The following KIAA1671 variants were observed in gnomAD, a reference collection of about 807,000 sequenced individuals.
KIAA1671 encodes KIAA1671, also known as uncharacterized protein KIAA1671.
Under a neutral mutation model 131.2 loss-of-function variants are expected in KIAA1671, and 52 were observed. The ratio of observed to expected loss-of-function variants is 0.40; its 90% CI spans 0.32 to 0.50. The LOEUF is 0.50. KIAA1671 is among the 20% of genes least tolerant of loss of function. The pLI, the probability that KIAA1671 is intolerant of heterozygous loss-of-function variation, is 0.73. For synonymous variants in KIAA1671, 1,003 were observed against 961.6 expected (o/e 1.04, Z -0.80); for missense variants, 2,360 against 2,364.2 (o/e 1.00, Z 0.04).
At chr22:25,176,332 G>A (rs1934025978) in intron 8 of KIAA1671, 1 of 152,216 alleles carries the variant, frequency 6.6e-6, no homozygotes, top group Non-Finnish European at 1.5e-5. Context: ...AAATTAGCCT[G>A]TCATCACTGA....
At chr22:24,961,675 G>A (rs1168702791) in intron 1 of KIAA1671, among the ~76,000 whole-genome samples, 5 of 152,220 alleles carry the variant, frequency 3.3e-5, no homozygotes, top group Admixed American at 3.3e-4. Context: ...TGTCACTTCT[G>A]CTCTCATGCT....
chr22:25,077,983 C>T (rs1457368056), intron 6 of KIAA1671, among the ~76,000 whole-genome samples: 4 of 152,054 alleles, frequency 2.6e-5, no homozygotes, highest in Non-Finnish European at 5.9e-5. Flanking sequence ...TTAATCCTCA[C>T]AAATAGCCCT....
At chr22:25,190,881 A>C in intron 12 of KIAA1671, 97 bp downstream of exon 12, 1 of 794,622 alleles carries the variant, frequency 1.3e-6, no homozygotes, top group Non-Finnish European at 2.1e-6. Context: ...GGGCTGTTGT[A>C]CCCAAGGAAA....
chr22:25,153,110 TATAGTATATCA>T (rs1200207735), intron 6 of KIAA1671, among the ~76,000 whole-genome samples: 2 of 152,234 alleles, frequency 1.3e-5, no homozygotes, highest in Non-Finnish European at 2.9e-5. Context: ...TACCACATAG[TATAGTATATCA>T]ATAGTATATC....
At chr22:25,189,113 G>T (rs1052988812) in intron 11 of KIAA1671, among the ~76,000 whole-genome samples, 2 of 151,374 alleles carry the variant, frequency 1.3e-5, no homozygotes, top group South Asian at 2.1e-4. Flanking sequence ...CTTCCTGGGA[G>T]GCCAGTCTTT....
chr22:24,998,379 C>G (rs1298050924), intron 1 of KIAA1671, among the ~76,000 whole-genome samples: 4 of 152,020 alleles, frequency 2.6e-5, no homozygotes, highest in Admixed American at 6.6e-5. Context: ...CACCACTGCA[C>G]TCCAGCCTGG....
chr22:25,180,890 A>G (rs1294495931), intron 9 of KIAA1671, among the ~76,000 whole-genome samples: 3 of 152,178 alleles, frequency 2.0e-5, no homozygotes, highest in Non-Finnish European at 4.4e-5. Flanking sequence ...TGAAGACCAT[A>G]ATAGGGACAA....
At chr22:25,044,646 AT>A (rs1166477570) in intron 5 of KIAA1671, among the ~76,000 whole-genome samples, 1 of 148,042 alleles carries the variant, frequency 6.8e-6, no homozygotes, top group Non-Finnish European at 1.5e-5. Context: ...AAAAAAAAAA[AT>A]AAAAACACAC....
chr22:25,142,246 CTTAA>C (rs1311917187), intron 6 of KIAA1671, among the ~76,000 whole-genome samples: 1 of 152,188 alleles, frequency 6.6e-6, no homozygotes, highest in African/African-American at 2.4e-5. Flanking sequence ...GGTTGATACT[CTTAA>C]TTCGTGGGAA....
intron 6 of KIAA1671, among the ~76,000 whole-genome samples, chr22:25,164,978 C>CGTGTGTGTGTGTGTGT (rs59765745): frequency 1.6e-4 from 19 of 116,608 alleles, no homozygotes; most frequent in East Asian, 5.2e-4. Flanking sequence ...GAGTTGCAGG[C>CGTGTGTGTGTGTGTGT]GTGTGTGTGT....
At chr22:25,061,946 T>TTTCTCTTCCTCCCTC (rs1326910067) in intron 6 of KIAA1671, 29 of 152,084 alleles carry the variant, frequency 1.9e-4, no homozygotes, top group Admixed American at 1.5e-3. Context: ...CCTCCTCCCT[T>TTTCTCTTCCTCCCTC]TTCTCTTCCT....
chr22:25,179,204 G>A, intron 9 of KIAA1671: 1 of 1,134,218 alleles, frequency 8.8e-7, no homozygotes, highest in Middle Eastern at 2.8e-4. Context: ...TGGGGGCGGG[G>A]GTGGGGGAGG....
At chr22:25,096,521 T>G (rs1335440472) in intron 6 of KIAA1671, among the ~76,000 whole-genome samples, 1 of 152,170 alleles carries the variant, frequency 6.6e-6, no homozygotes, top group Non-Finnish European at 1.5e-5. Context: ...GGTCTTTGGG[T>G]GTTTCCCATT....
At chr22:25,150,710 C>A (rs548286579) in intron 6 of KIAA1671, among the ~76,000 whole-genome samples, 1 of 152,192 alleles carries the variant, frequency 6.6e-6, no homozygotes, top group East Asian at 1.9e-4. Flanking sequence ...AATGCCAGCT[C>A]TCATGGCGGT....
chr22:25,164,368 C>G (rs1337577403), intron 6 of KIAA1671, among the ~76,000 whole-genome samples: 9 of 152,116 alleles, frequency 5.9e-5, no homozygotes, highest in Non-Finnish European at 1.2e-4. Context: ...AAGGAAGGGC[C>G]GACTGAATGG....
Position 25,181,682 on chromosome 22 carries a change from C to A in KIAA1671, c.5075-17C>A. The A allele has an allele frequency of 6.4e-7, 1 of 1,551,302 alleles. No homozygotes were observed. The highest frequency in any genetic ancestry group is 8.7e-7 in the Non-Finnish European group (1 of 1,146,784). On this transcript the variant is annotated splice_polypyrimidine_tract_variant and intron_variant, in intron 9 of 12. Transcript: ENST00000358431. ...TGGCAGCTGCTGATGAATTCAGTGCCCTTTTCTTTGCAACAGAGGAGAAAT... is the reference window on the plus strand; with the variant it reads ...TGGCAGCTGCTGATGAATTCAGTGCACTTTTCTTTGCAACAGAGGAGAAAT...
intron 6 of KIAA1671, among the ~76,000 whole-genome samples, chr22:25,167,101 G>A (rs376597011): frequency 1.3e-5 from 2 of 152,204 alleles, no homozygotes; most frequent in African/African-American, 4.8e-5. Context: ...CTAGCCCTGC[G>A]TCCCAGGGAG....
At chr22:25,007,776 A>G (rs1024108053) in intron 1 of KIAA1671, among the ~76,000 whole-genome samples, 1 of 152,158 alleles carries the variant, frequency 6.6e-6, no homozygotes, top group African/African-American at 2.4e-5. Context: ...GCATGTAATT[A>G]AAAGTGGGTA....
At position 25,194,484 on chromosome 22, in the gene KIAA1671, C is replaced by G. The variant is rs186543472; in HGVS notation, c.*2083C>G. On this transcript the variant is annotated 3_prime_UTR_variant, in exon 13 of 13. Transcript: ENST00000358431. ...TACCATCTCAAGCAGTAGGAAAGGA[C>G]CTGCTCTTACATATATTGATGGTCC... is the stretch of plus-strand genomic sequence containing the variant. 1 of 152,140 alleles carries G rather than the reference C, an allele frequency of 6.6e-6. No individual in the cohort carries two copies. The highest frequency in any genetic ancestry group is 2.4e-5 in the African/African-American group (1 of 41,428). 9.4% of individuals were successfully genotyped at this position (152,140 alleles called of 1,614,324 possible).
Sources: allele counts gnomAD v4.1 joint callset (sites outside exome capture counted in the v4.1 genomes callset), GRCh38; gene constraint gnomAD v4.1.1; transcripts MANE v1.5; gene names NCBI Gene and HGNC (gene_info 2026-07-23, HGNC 2026-07-21).